The following HNRNPF variants were observed in gnomAD, a reference collection of about 807,000 sequenced individuals.
HNRNPF encodes the protein HnRNP F protein.
In HNRNPF, 2 loss-of-function variants were observed where a neutral mutation model predicts 26.0. That is an observed-to-expected ratio of 0.08 (90% CI 0.03 to 0.24). HNRNPF has a LOEUF of 0.24. Ranked by LOEUF, HNRNPF falls within the 10% of genes least tolerant of loss-of-function variation. The pLI, the probability that HNRNPF is intolerant of heterozygous loss-of-function variation, is 1.00. For missense variants in HNRNPF, 299 were observed against 539.2 expected (o/e 0.55, Z 4.41); for synonymous variants, 234 against 211.5 (o/e 1.11, Z -0.92).
chr10:43,392,328 C>T (rs900468268), intron 3 of HNRNPF, among the ~76,000 whole-genome samples: 1 of 152,156 alleles, frequency 6.6e-6, no homozygotes, highest in Non-Finnish European at 1.5e-5. Flanking sequence ...ATCATGAGGT[C>T]AGGAGATCGA....
At chr10:43,401,058 G>A (rs1838739878) in intron 1 of HNRNPF, among the ~76,000 whole-genome samples, 1 of 150,874 alleles carries the variant, frequency 6.6e-6, no homozygotes, top group Non-Finnish European at 1.5e-5. Flanking sequence ...CTCCAGCCTG[G>A]GCGATAGAGC....
At chr10:43,404,971 G>C (rs1460640289) in intron 1 of HNRNPF, among the ~76,000 whole-genome samples, 1 of 152,148 alleles carries the variant, frequency 6.6e-6, no homozygotes, top group African/African-American at 2.4e-5. Flanking sequence ...AAGACAGCCC[G>C]ACAAATATAA....
chr10:43,399,405 A>G (rs1838681308), intron 1 of HNRNPF, among the ~76,000 whole-genome samples: 1 of 152,144 alleles, frequency 6.6e-6, no homozygotes, highest in South Asian at 2.1e-4. Flanking sequence ...TTAATTATTG[A>G]TCAGTCACCA....
chr10:43,393,407 C>A (rs181812912), intron 3 of HNRNPF, among the ~76,000 whole-genome samples: 1 of 152,180 alleles, frequency 6.6e-6, no homozygotes, highest in African/African-American at 2.4e-5. Context: ...ACCAGCCTGA[C>A]CAACATGGAG....
intron 1 of HNRNPF, among the ~76,000 whole-genome samples, chr10:43,397,880 C>T (rs936863112): frequency 2.0e-5 from 3 of 151,946 alleles, no homozygotes; most frequent in Admixed American, 1.3e-4. Context: ...TACCTGATTT[C>T]TTGAATGTTT....
chr10:43,407,072 A>G (rs918075858), intron 1 of HNRNPF, among the ~76,000 whole-genome samples: 4 of 152,190 alleles, frequency 2.6e-5, no homozygotes, highest in Non-Finnish European at 4.4e-5. Flanking sequence ...TTTTAAAAAT[A>G]TAACTAAGTA....
chr10:43,404,091 G>GGA (rs1838835671), intron 1 of HNRNPF, among the ~76,000 whole-genome samples: 1 of 151,958 alleles, frequency 6.6e-6, no homozygotes, highest in Non-Finnish European at 1.5e-5. Flanking sequence ...GAGGTCAGGA[G>GGA]TTTGAGACCA....
chr10:43,396,117 T>A (rs539205201), intron 2 of HNRNPF, among the ~76,000 whole-genome samples: 1 of 152,294 alleles, frequency 6.6e-6, no homozygotes, highest in South Asian at 2.1e-4. Context: ...AACGAGCTCT[T>A]CGCAGTGATA....
chr10:43,402,749 CTT>C (rs1388559806), intron 1 of HNRNPF, among the ~76,000 whole-genome samples: 10 of 152,144 alleles, frequency 6.6e-5, no homozygotes. Flanking sequence ...AATCAAATAA[CTT>C]ATGATGGATT....
At chr10:43,408,088 AT>A (rs916381413) in intron 1 of HNRNPF, among the ~76,000 whole-genome samples, 58 of 151,598 alleles carry the variant, frequency 3.8e-4, no homozygotes, top group African/African-American at 1.3e-3. Context: ...CACGTGGCTA[AT>A]TTTTTTTTCT....
chr10:43,399,466 G>A (rs956067835), intron 1 of HNRNPF, among the ~76,000 whole-genome samples: 1 of 152,158 alleles, frequency 6.6e-6, no homozygotes, highest in South Asian at 2.1e-4. Flanking sequence ...TTGAGCCAGG[G>A]GTTGTATTGT....
At chr10:43,389,619 C>A (rs1479067525) in intron 3 of HNRNPF, among the ~76,000 whole-genome samples, 1 of 152,146 alleles carries the variant, frequency 6.6e-6, no homozygotes, top group East Asian at 1.9e-4. Context: ...TGTGTCTACA[C>A]CAGATTATAA....
Position 43,387,177 on chromosome 10 carries a change from G to A in HNRNPF, c.708C>T (p.Tyr236=). The change falls in exon 4 of 4, where the codon TAC becomes TAT. Residue 236 remains tyrosine, a synonymous_variant. Transcript: ENST00000682386. The surrounding 1 kb of genome is among the most constrained non-coding windows in gnomAD (Gnocchi z 6.0). The stretch of plus-strand genomic sequence containing the variant: ...CCTCGTAGCCCCCGTAGCCTGTGCT[G>A]TAGGCACCAGGCCTCATCCTTTCCA... ...AGLERMRPGA[Y]STGYGGYEEY... 1.9e-6 allele frequency: 3 copies of A among 1,614,166 alleles called. No homozygotes were observed. Among genetic ancestry groups the A allele is most frequent in the East Asian group, 2.2e-5 (1 of 44,878 alleles).
intron 1 of HNRNPF, among the ~76,000 whole-genome samples, chr10:43,406,363 G>A (rs1348146106): frequency 6.6e-6 from 1 of 152,100 alleles, no homozygotes; most frequent in African/African-American, 2.4e-5. Flanking sequence ...CCTGAATAAA[G>A]CTTTATAACG....
chr10:43,402,466 C>T (rs781697908), intron 1 of HNRNPF, among the ~76,000 whole-genome samples: 67 of 152,150 alleles, frequency 4.4e-4, no homozygotes, highest in Non-Finnish European at 8.4e-4. Flanking sequence ...TTTCTCCTGC[C>T]TGAAAAGAAA....
chr10:43,409,094 C>G (rs1351534676), intron 1 of HNRNPF, 37 bp downstream of exon 1: 1 of 152,750 alleles, frequency 6.5e-6, no homozygotes, highest in Non-Finnish European at 1.5e-5. Context: ...TGCTACCTGC[C>G]GGCGTGACAG....
intron 2 of HNRNPF, among the ~76,000 whole-genome samples, chr10:43,395,305 CAA>C (rs1041038510): frequency 1.3e-5 from 2 of 152,110 alleles, no homozygotes; most frequent in Admixed American, 6.5e-5. Flanking sequence ...GAGACACATC[CAA>C]AAGACACTTT....
At chr10:43,395,417 T>G (rs2131975099) in intron 2 of HNRNPF, among the ~76,000 whole-genome samples, 1 of 152,282 alleles carries the variant, frequency 6.6e-6, no homozygotes. Flanking sequence ...CCCAAAGGAC[T>G]AGGACACGGG....
chr10:43,407,812 G>A (rs866188870), intron 1 of HNRNPF: 5 of 152,242 alleles, frequency 3.3e-5, no homozygotes, highest in Admixed American at 3.3e-4. Context: ...CTAAGGCTAC[G>A]GGAACCGGGC....
Sources: allele counts gnomAD v4.1 joint callset (sites outside exome capture counted in the v4.1 genomes callset), GRCh38; gene constraint gnomAD v4.1.1; non-coding constraint Gnocchi (gnomAD v3.1); transcripts MANE v1.5; gene names NCBI Gene and HGNC (gene_info 2026-07-23, HGNC 2026-07-21).